Variants in PAPSS2 observed in about 807,000 individuals in gnomAD.
PAPSS2 encodes 3'-phosphoadenosine 5'-phosphosulfate synthase 2.
PAPSS2 carries 61 observed loss-of-function variants against 66.5 expected under a neutral mutation model. The observed-to-expected ratio is 0.92, with a 90% CI of 0.75 to 1.14. The LOEUF (loss-of-function observed/expected upper bound fraction) is 1.14. PAPSS2 is among the 50% of genes most tolerant of loss of function. The probability of loss-of-function intolerance (pLI) is 0.00; values close to 1 mark genes in which losing one functional copy is unlikely to be tolerated. For missense variants in PAPSS2, 708 were observed against 789.6 expected (o/e 0.90, Z 1.24); for synonymous variants, 289 against 287.5 (o/e 1.01, Z -0.05).
At chr10:87,718,631 A>G (rs11202524) in intron 7 of PAPSS2, among the ~76,000 whole-genome samples, 78,809 of 151,278 alleles carry the variant, frequency 0.52, 21,704 homozygotes, top group East Asian at 0.74. Flanking sequence ...TTGCTGTGTG[A>G]TTCTGTGGGT....
At chr10:87,704,196 G>T (rs1378702702) in intron 1 of PAPSS2, among the ~76,000 whole-genome samples, 1 of 152,182 alleles carries the variant, frequency 6.6e-6, no homozygotes, top group East Asian at 1.9e-4. Flanking sequence ...CTGGCCATCC[G>T]AAAGTATTTA....
chr10:87,713,312 TAAAAAAAAAAA>T lies in PAPSS2; in HGVS notation c.381+14_381+24del, dbSNP rs367885911. 5 of 573,438 alleles carry T rather than the reference TAAAAAAAAAAA, an allele frequency of 8.7e-6. No homozygotes were observed. The highest frequency in any genetic ancestry group is 1.3e-5 in the Non-Finnish European group (5 of 382,482). 35.5% of individuals were successfully genotyped at this position (573,438 alleles called of 1,614,324 possible). A position where few individuals can be genotyped will look rare whatever the true frequency, so the allele number is the denominator to read the frequency against. On this transcript the variant is annotated splice_donor_5th_base_variant and intron_variant, in intron 3 of 12. Coordinates refer to ENST00000456849, the MANE Select transcript of PAPSS2 (RefSeq NM_001015880.2). ...AGCTTTATTTCTCCATTCGCAAAGG[TAAAAAAAAAAA>T]AAAAAAAAAAAGGCACTACACACGA...
intron 1 of PAPSS2, among the ~76,000 whole-genome samples, chr10:87,685,986 C>A (rs540664937): frequency 6.6e-6 from 1 of 152,172 alleles, no homozygotes; most frequent in East Asian, 1.9e-4. Context: ...GCATTATTGG[C>A]CTTTGGTGTG....
intron 8 of PAPSS2, among the ~76,000 whole-genome samples, chr10:87,725,404 C>G (rs1391744075): frequency 6.6e-6 from 1 of 152,108 alleles, no homozygotes; most frequent in African/African-American, 2.4e-5. Context: ...TATTTAAATT[C>G]CTCTTAAAGC....
At chr10:87,660,342 T>C in intron 1 of PAPSS2, 1 of 494,696 alleles carries the variant, frequency 2.0e-6, no homozygotes, top group Admixed American at 3.4e-5. Context: ...CCAAGAGCTC[T>C]TCCAGACCCG....
intron 1 of PAPSS2, among the ~76,000 whole-genome samples, chr10:87,676,329 G>A (rs1852946822): frequency 6.6e-6 from 1 of 152,084 alleles, no homozygotes; most frequent in Admixed American, 6.5e-5. Context: ...TGTTCCAGTA[G>A]GACTAAATCT....
At chr10:87,700,691 A>G (rs534597885) in intron 1 of PAPSS2, among the ~76,000 whole-genome samples, 2 of 151,934 alleles carry the variant, frequency 1.3e-5, no homozygotes, top group African/African-American at 4.8e-5. Flanking sequence ...AATGAATTTT[A>G]TATTTTTGAA....
At chr10:87,738,639 G>C (rs1404593620) in intron 9 of PAPSS2, among the ~76,000 whole-genome samples, 1 of 152,130 alleles carries the variant, frequency 6.6e-6, no homozygotes, top group African/African-American at 2.4e-5. Flanking sequence ...CAAACTCTGG[G>C]CTTAAGCAAT....
rs374549399 is a variant in PAPSS2, at chr10:87,713,256, G to T, written c.327G>T (p.Leu109=). 1 of 1,506,554 alleles carries T rather than the reference G, an allele frequency of 6.6e-7. No individual in the cohort carries two copies. Among genetic ancestry groups the T allele is most frequent in the African/African-American group, 1.5e-5 (1 of 66,616 alleles). The allele number at this position is 1,506,554 out of a possible 1,614,324, so 93.3% of individuals were successfully genotyped here. Residue 109 remains leucine, a synonymous_variant, in exon 3 of 13, where the codon CTG becomes CTT. Transcript: ENST00000456849. ...NIRRIAEVAK[L]FADAGLVCIT... ...GCCGGATTGCTGAGGTGGCTAAGCT[G>T]TTTGCTGATGCTGGTCTGGTCTGCA... is the stretch of plus-strand genomic sequence containing the variant.
Position 87,668,658 on chromosome 10 carries a change from ATGTG to A in PAPSS2, c.27+8680_27+8683del, listed in dbSNP as rs58768390. Among the ~76,000 whole-genome samples, 1,397 of 149,114 alleles carry A rather than the reference ATGTG, an allele frequency of 9.4e-3. 15 individuals are homozygous for A. The highest frequency in any genetic ancestry group is 0.028 in the African/African-American group (1,142 of 40,560). On this transcript the variant is annotated intron_variant, in intron 1 of 12. Coordinates refer to ENST00000456849, the MANE Select transcript of PAPSS2 (RefSeq NM_001015880.2). Reference sequence around the variant, plus strand: ...TATTAAGGCTGTCTCTACTTTAAAAATGTGTGTGTGTGTGTGTGTGTGTGTGTGT... The same window carrying A: ...TATTAAGGCTGTCTCTACTTTAAAAATGTGTGTGTGTGTGTGTGTGTGTGT...
At chr10:87,700,785 A>C (rs1249024471) in intron 1 of PAPSS2, among the ~76,000 whole-genome samples, 1 of 152,152 alleles carries the variant, frequency 6.6e-6, no homozygotes, top group Non-Finnish European at 1.5e-5. Context: ...ACTACATAAG[A>C]ATTCTAGAAA....
At chr10:87,668,268 C>T (rs969232655) in intron 1 of PAPSS2, among the ~76,000 whole-genome samples, 1 of 152,186 alleles carries the variant, frequency 6.6e-6, no homozygotes, top group Admixed American at 6.5e-5. Context: ...TTTCCTTAAG[C>T]TCTCTAAAAT....
chr10:87,728,163 G>A (rs2131721200), intron 9 of PAPSS2, among the ~76,000 whole-genome samples: 1 of 152,260 alleles, frequency 6.6e-6, no homozygotes, highest in African/African-American at 2.4e-5. Context: ...TACTGTCGGT[G>A]ATGGGGTGGG....
At position 87,745,033 on chromosome 10, in the gene PAPSS2, C is replaced by T. The variant is rs375716911; in HGVS notation, c.1523C>T (p.Ala508Val). 2.0e-5 allele frequency: 32 copies of T among 1,614,070 alleles called. No individual in the cohort carries two copies. Among genetic ancestry groups the T allele is most frequent in the East Asian group, 6.7e-5 (3 of 44,864 alleles). ...TGGCACTGCAGGTCCCGGATGATTG[C>T]GGGTGCCAATTTCTACATTGTGGGG... Reference protein sequence around the residue: ...VQWHCRSRMIAGANFYIVGRD... With the variant: ...VQWHCRSRMIVGANFYIVGRD... The change falls in exon 12 of 13, where the codon GCG becomes GTG. Residue 508 changes from alanine (A) to valine (V), a missense_variant. Coordinates refer to ENST00000456849, the MANE Select transcript of PAPSS2 (RefSeq NM_001015880.2).
chr10:87,676,984 A>G (rs1373451167), intron 1 of PAPSS2, among the ~76,000 whole-genome samples: 1 of 150,528 alleles, frequency 6.6e-6, no homozygotes, highest in African/African-American at 2.4e-5. Flanking sequence ...ACTTGAGGTC[A>G]GGAGTTCGAG....
In PAPSS2 at chr10:87,714,192, T is replaced by C. The variant is rs372409346; in HGVS notation, c.520+10T>C. The C allele has an allele frequency of 1.1e-4, 183 of 1,611,936 alleles. No individual in the cohort carries two copies. Among genetic ancestry groups the C allele is most frequent in the Non-Finnish European group, 1.5e-4 (173 of 1,179,688 alleles). On this transcript the variant is annotated intron_variant, in intron 4 of 12. Coordinates refer to ENST00000456849, the MANE Select transcript of PAPSS2 (RefSeq NM_001015880.2). Reference sequence around the variant, plus strand: ...GCTGGGGAGATTAAAGGTAAGAGAATTGGCTAGTAGCGTCTACCAGTTACA... The same window carrying C: ...GCTGGGGAGATTAAAGGTAAGAGAACTGGCTAGTAGCGTCTACCAGTTACA...
chr10:87,734,699 A>ATG (rs1311179410), intron 9 of PAPSS2, among the ~76,000 whole-genome samples: 2 of 131,416 alleles, frequency 1.5e-5, no homozygotes, highest in East Asian at 2.3e-4. Flanking sequence ...ATATATATAT[A>ATG]TATATATGTA....
At chr10:87,668,229 CTG>C (rs1852836896) in intron 1 of PAPSS2, among the ~76,000 whole-genome samples, 1 of 152,184 alleles carries the variant, frequency 6.6e-6, no homozygotes, top group African/African-American at 2.4e-5. Context: ...TTTTGGCCCT[CTG>C]CTGGGGGTCC....
At chr10:87,685,115 A>G (rs948244537) in intron 1 of PAPSS2, among the ~76,000 whole-genome samples, 1 of 152,160 alleles carries the variant, frequency 6.6e-6, no homozygotes, top group African/African-American at 2.4e-5. Context: ...GTCTGAATCC[A>G]TGGGAAATCC....
Sources: allele counts gnomAD v4.1 joint callset (sites outside exome capture counted in the v4.1 genomes callset), GRCh38; gene constraint gnomAD v4.1.1; transcripts MANE v1.5; gene names NCBI Gene and HGNC (gene_info 2026-07-23, HGNC 2026-07-21).